NEB: variants seen among roughly 807,000 people sequenced by gnomAD.
NEB encodes the protein nemaline myopathy type 2.
A neutral mutation model predicts 952.2 loss-of-function variants in NEB; 512 were observed. That is an observed-to-expected ratio of 0.54 (90% CI 0.50 to 0.58). The LOEUF is 0.58. Ranked by LOEUF, NEB falls within the 20% of genes least tolerant of loss-of-function variation. NEB has a pLI of 0.00. For missense variants in NEB, 8,428 were observed against 9,231.1 expected (o/e 0.91, Z 3.56); for synonymous variants, 2,900 against 3,149.8 (o/e 0.92, Z 2.66).
intron 170 of NEB, 80 bp from the exon 171 acceptor site, chr2:151,497,798 A>G: frequency 6.5e-7 from 1 of 1,539,992 alleles, no homozygotes; most frequent in African/African-American, 1.4e-5. Context: ...TGAGGAAAAA[A>G]CACAGTCATC....
chr2:151,527,730 T>C, intron 146 of NEB, 145 bp from the exon 147 acceptor site: 1 of 637,522 alleles, frequency 1.6e-6, no homozygotes, highest in Admixed American at 2.7e-5. Flanking sequence ...GAAATTTCTG[T>C]ACAATTTATG....
At position 151,612,210 on chromosome 2, in the gene NEB, C is replaced by A; in HGVS notation, c.11781G>T (p.Lys3927Asn). Residue 3927 changes from lysine to asparagine, a missense_variant, in exon 78 of 182, where the codon AAG becomes AAT. By Grantham distance (94) the Lys-to-Asn change is moderately conservative. This residue lies in a region of NEB where 337 missense variants were observed against 297.5 expected (regional missense o/e 1.13). Coordinates refer to ENST00000397345, the MANE Select transcript of NEB (RefSeq NM_001164508.2). ...CCTTGCTCATTGTCAGGGCATTATT[C>A]TTTGCTAGGACAATTTCCGGAGTGT... ...ITDTPEIVLA[K>N]NNALTMSKHL... The A allele has an allele frequency of 1.2e-6, 2 of 1,613,780 alleles. No individual in the cohort carries two copies. Among genetic ancestry groups the A allele is most frequent in the Non-Finnish European group, 1.7e-6 (2 of 1,179,776 alleles).
chr2:151,672,476 C>A lies in NEB; in HGVS notation c.4192G>T (p.Asp1398Tyr), dbSNP rs1402992016. 6.2e-7 allele frequency: 1 copy of A among 1,613,962 alleles called. No individual in the cohort carries two copies. Among genetic ancestry groups the A allele is most frequent in the East Asian group, 2.2e-5 (1 of 44,890 alleles). The change falls in exon 37 of 182, where the codon GAT becomes TAT. Residue 1398 changes from aspartate to tyrosine, a missense_variant. By Grantham distance (160) the Asp-to-Tyr change is radical. Around this residue, in one of 11 missense-constraint regions of NEB, gnomAD observed 2,851 missense variants for 2,791.5 expected, o/e 1.02. Transcript: ENST00000397345. ...TTGTAGTTGACATTGGTAGCGACAT[C>A]CTGGGCCATCTTTGCAGCTGTGATG... is the stretch of plus-strand genomic sequence containing the variant. Reference protein sequence around the residue: ...VSITAAKMAQDVATNVNYKQP... With the variant: ...VSITAAKMAQYVATNVNYKQP...
At position 151,641,313 on chromosome 2, in the gene NEB, CAT is replaced by C. The variant is rs144769173; in HGVS notation, c.8374-649_8374-648del. Among the ~76,000 whole-genome samples the C allele has an allele frequency of 9.6e-3, 1,460 of 152,224 alleles. 33 individuals carry two copies. Among genetic ancestry groups the C allele is most frequent in the African/African-American group, 0.033 (1,356 of 41,544 alleles). On this transcript the variant is annotated intron_variant, in intron 60 of 181. Transcript: ENST00000397345. ...TGTGTCATTAAATAGTCTTTGCACA[CAT>C]GACTGTTTTTTTTGTTTTGTTTTGT...
At chr2:151,629,728 ATTT>A in intron 67 of NEB, 82 bp from the exon 68 acceptor site, 1 of 1,211,736 alleles carries the variant, frequency 8.3e-7, no homozygotes, top group Admixed American at 1.9e-5. Context: ...ATATCCTAAA[ATTT>A]AAAAAAGGAT....
rs1377556613 is a variant in NEB, at chr2:151,547,469, T to C, written c.20327A>G (p.Gln6776Arg). Residue 6776 changes from glutamine (Q) to arginine (R), a missense_variant, in exon 133 of 182, where the codon CAA becomes CGA. By Grantham distance (43) the Gln-to-Arg change is conservative (BLOSUM62 1). Around this residue, in one of 11 missense-constraint regions of NEB, gnomAD observed 3,374 missense variants for 3,651.5 expected, o/e 0.92. Transcript: ENST00000397345. ...GHMISLPYTPQVIHCRYVGDI... is the reference protein window; with the variant it reads ...GHMISLPYTPRVIHCRYVGDI... ...TCCCACATAGCGGCAATGGATCACT[T>C]GGGGTGTGTATGGCAGAGAGATCAT... 8 of 1,607,756 alleles carry C rather than the reference T, an allele frequency of 5.0e-6. No individual in the cohort carries two copies. Among genetic ancestry groups the C allele is most frequent in the Non-Finnish European group, 6.8e-6 (8 of 1,177,266 alleles).
intron 142 of NEB, 59 bp from the exon 143 acceptor site, chr2:151,533,605 G>T: frequency 9.2e-7 from 1 of 1,087,544 alleles, no homozygotes; most frequent in Non-Finnish European, 1.4e-6. Flanking sequence ...AAAAGAACAC[G>T]GCTCTATATC....
chr2:151,495,568 T>A (rs1458074872), intron 173 of NEB, among the ~76,000 whole-genome samples: 2 of 152,164 alleles, frequency 1.3e-5, no homozygotes, highest in African/African-American at 4.8e-5. Flanking sequence ...CAAACCTCAA[T>A]CCCTAGGTAA....
In NEB at chr2:151,548,258, C is replaced by T. The variant is rs1339749350; in HGVS notation, c.20157+50G>A. ...ATTCTTAATGCATTTCAAACAAAGC[C>T]ATGGCTATTGAAACTCAATATGTCT... On this transcript the variant is annotated intron_variant, in intron 131 of 181. Coordinates refer to ENST00000397345, the MANE Select transcript of NEB (RefSeq NM_001164508.2). The T allele has an allele frequency of 7.1e-6, 10 of 1,407,886 alleles. No homozygotes were observed. In the Admixed American group the frequency reaches 8.5e-5, roughly 12 times the overall value. The allele number at this position is 1,407,886 out of a possible 1,614,324, so 87.2% of individuals were successfully genotyped here.
intron 128 of NEB, among the ~76,000 whole-genome samples, chr2:151,552,047 G>T (rs957629293): frequency 3.3e-5 from 5 of 152,128 alleles, no homozygotes; most frequent in African/African-American, 1.2e-4. Flanking sequence ...GAAGAGGAAG[G>T]GTGGGCATTT....
chr2:151,710,444 T>C lies in NEB; in HGVS notation c.917A>G (p.Asn306Ser). ...CCCTTCCCACTTAACTGTGCTAATGTTATCAGCATTCATTCTGGCATTTGC... is the reference window on the plus strand; with the variant it reads ...CCCTTCCCACTTAACTGTGCTAATGCTATCAGCATTCATTCTGGCATTTGC... ...EVANARMNADNISTRKYQEDF... is the reference protein window; with the variant it reads ...EVANARMNADSISTRKYQEDF... The change falls in exon 11 of 182, where the codon AAC becomes AGC. Residue 306 changes from asparagine (N) to serine (S), a missense_variant. By Grantham distance (46) the Asn-to-Ser change is conservative (BLOSUM62 1). Around this residue, in one of 11 missense-constraint regions of NEB, gnomAD observed 2,851 missense variants for 2,791.5 expected, o/e 1.02. Transcript: ENST00000397345. The C allele has an allele frequency of 6.2e-7, 1 of 1,607,616 alleles. No homozygotes were observed. Among genetic ancestry groups the C allele is most frequent in the Non-Finnish European group, 8.5e-7 (1 of 1,174,384 alleles).
rs764108497 is a variant in NEB at position 151,677,684 on chromosome 2, C to T, written c.3655G>A (p.Ala1219Thr). ...GSLDVEKVKK[A>T]GDALNEKKYR... ...TTCTTTTCATTCAGAGCATCACCGG[C>T]CTTTTTAACTTTTTCGACGTCGAGA... Residue 1219 changes from alanine (A) to threonine (T), a missense_variant, in exon 34 of 182, where the codon GCC becomes ACC. By Grantham distance (58) the Ala-to-Thr change is moderately conservative (BLOSUM62 0). This residue lies in a region of NEB where 2,851 missense variants were observed against 2,791.5 expected (regional missense o/e 1.02). Transcript: ENST00000397345. The T allele has an allele frequency of 1.2e-6, 2 of 1,613,964 alleles. No homozygotes were observed. Among genetic ancestry groups the T allele is most frequent in the Non-Finnish European group, 1.7e-6 (2 of 1,179,876 alleles).
In NEB at chr2:151,537,984, A is replaced by G; in HGVS notation, c.20998-8T>C. The G allele has an allele frequency of 6.2e-7, 1 of 1,605,194 alleles. No individual in the cohort carries two copies. Among genetic ancestry groups the G allele is most frequent in the South Asian group, 1.1e-5 (1 of 90,616 alleles). ...GTTCTCCTTGTATTTTATCTGTTATAAAAAACACAAAGACAGCTGTAAGTC... is the reference window on the plus strand; with the variant it reads ...GTTCTCCTTGTATTTTATCTGTTATGAAAAACACAAAGACAGCTGTAAGTC... On this transcript the variant is annotated splice_region_variant and splice_polypyrimidine_tract_variant and intron_variant, in intron 139 of 181. Transcript: ENST00000397345.
chr2:151,527,088 T>C (rs1270435541), intron 147 of NEB, 66 bp from the exon 148 acceptor site: 3 of 1,064,198 alleles, frequency 2.8e-6, no homozygotes, highest in Admixed American at 4.0e-5. Context: ...GGGCATTTGA[T>C]TAAACACACA....
In NEB at chr2:151,553,943, T is replaced by C. The variant is rs1453331792; in HGVS notation, c.19511A>G (p.Asp6504Gly). The change falls in exon 126 of 182, where the codon GAT becomes GGT. Residue 6504 changes from aspartate (D) to glycine (G), a missense_variant. Transcript: ENST00000397345. ...AATCTCACTGACTTTCTTCTGGGAA[T>C]CCTTGGCAGTAACCATCTCTACCAT... Reference protein sequence around the residue: ...PDMVEMVTAKDSQKKVSEIDY... With the variant: ...PDMVEMVTAKGSQKKVSEIDY... 6.2e-7 allele frequency: 1 copy of C among 1,613,930 alleles called. No individual in the cohort carries two copies. The highest frequency in any genetic ancestry group is 1.1e-5 in the South Asian group (1 of 91,086).
At chr2:151,618,959 C>T (rs1202990475) in intron 73 of NEB, among the ~76,000 whole-genome samples, 2 of 152,140 alleles carry the variant, frequency 1.3e-5, no homozygotes, top group African/African-American at 4.8e-5. Context: ...TTTTATTTTA[C>T]TCTCAATAGG....
intron 77 of NEB, among the ~76,000 whole-genome samples, chr2:151,613,704 T>G (rs6732307): frequency 1.3e-5 from 2 of 151,896 alleles, no homozygotes; most frequent in South Asian, 4.2e-4. Flanking sequence ...TTGCTGTTCT[T>G]GTGATAGTGA....
chr2:151,614,961 T>C (rs1402488356), intron 76 of NEB, among the ~76,000 whole-genome samples: 1 of 152,228 alleles, frequency 6.6e-6, no homozygotes, highest in African/African-American at 2.4e-5. Context: ...CCAAAACTGT[T>C]TGACATTAAG....
Position 151,508,120 on chromosome 2 carries a change from A to AT in NEB, c.23347-12dup, listed in dbSNP as rs774106978. The AT allele has an allele frequency of 8.9e-6, 14 of 1,571,852 alleles. No homozygotes were observed. In the East Asian group the frequency reaches 2.9e-4, roughly 33 times the overall value. ...TTCCTTGTACTTTTTCTGGGAATAG[A>AT]TTCCAAGAAATAAGGAGGGTAAACA... On this transcript the variant is annotated splice_polypyrimidine_tract_variant and intron_variant, in intron 161 of 181. Transcript: ENST00000397345.
Sources: allele counts gnomAD v4.1 joint callset (sites outside exome capture counted in the v4.1 genomes callset), GRCh38; gene constraint gnomAD v4.1.1; regional missense constraint gnomAD v4.1.1; transcripts MANE v1.5; gene names NCBI Gene and HGNC (gene_info 2026-07-23, HGNC 2026-07-21).